The following PLCB1 variants were observed in gnomAD, a reference collection of about 807,000 sequenced individuals.
PLCB1 encodes the protein phospholipase C beta 1.
Under a neutral mutation model 161.8 loss-of-function variants are expected in PLCB1, and 46 were observed. That is an observed-to-expected ratio of 0.28 (90% confidence interval 0.22 to 0.36). The LOEUF is 0.36. PLCB1 is among the 10% of genes least tolerant of loss of function. The pLI is 1.00. For missense variants in PLCB1, 1,016 were observed against 1,472.5 expected, an observed-to-expected ratio of 0.69 and a Z score of 5.07; for synonymous variants, 517 against 503.7, an observed-to-expected ratio of 1.03 and a Z score of -0.35.
At chr20:8,247,998 T>G (rs767404305) in intron 2 of PLCB1, among the ~76,000 whole-genome samples, 127 of 151,958 alleles carry the variant, frequency 8.4e-4, no homozygotes, top group Non-Finnish European at 9.4e-4. Context: ...GACCAGCTGA[T>G]AAACTAGTCC....
chr20:8,719,865 A>T (rs1373544299), intron 14 of PLCB1, among the ~76,000 whole-genome samples: 1 of 152,194 alleles, frequency 6.6e-6, no homozygotes, highest in Non-Finnish European at 1.5e-5. Context: ...GGTTAAAAAA[A>T]AGTAGCCTGA....
Position 8,246,021 on chromosome 20 carries a change from G to A in PLCB1, c.177+95650G>A, listed in dbSNP as rs558372662. Among the ~76,000 whole-genome samples, 14 of 152,004 alleles carry A rather than the reference G, an allele frequency of 9.2e-5. No individual in the cohort carries two copies. In the South Asian group the frequency reaches 1.9e-3, roughly 20 times the overall value. On this transcript the variant is annotated intron_variant, in intron 2 of 31. Transcript: ENST00000338037. ...CCATGCAATATTACTTCTCAAATAT[G>A]ATGTTCACCGTACCTTTTATTTTGT...
intron 2 of PLCB1, among the ~76,000 whole-genome samples, chr20:8,283,571 C>A (rs200784970): frequency 4.5e-5 from 6 of 132,102 alleles, no homozygotes; most frequent in African/African-American, 1.8e-4. Context: ...ATAAATCAAT[C>A]AATAAATAAA....
intron 2 of PLCB1, among the ~76,000 whole-genome samples, chr20:8,199,914 C>A (rs942868668): frequency 6.6e-6 from 1 of 152,060 alleles, no homozygotes; most frequent in Non-Finnish European, 1.5e-5. Flanking sequence ...GTCGATTCTA[C>A]AGTGAGCATA....
At position 8,658,535 on chromosome 20, in the gene PLCB1, T is replaced by C. The variant is rs1439321294; in HGVS notation, c.696-3T>C. On this transcript the variant is annotated splice_polypyrimidine_tract_variant and splice_region_variant and intron_variant, in intron 8 of 31. Coordinates refer to ENST00000338037, the MANE Select transcript of PLCB1 (RefSeq NM_015192.4). ...TTATTGCTTGGTTTTTCATTGTTTTTAGTGGTGCAAAAAGCAAACCATATC... is the reference window on the plus strand; with the variant it reads ...TTATTGCTTGGTTTTTCATTGTTTTCAGTGGTGCAAAAAGCAAACCATATC... 6.3e-7 allele frequency: 1 copy of C among 1,589,768 alleles called. No homozygotes were observed. Among genetic ancestry groups the C allele is most frequent in the African/African-American group, 1.4e-5 (1 of 73,134 alleles).
chr20:8,509,032 G>A (rs901804894), intron 3 of PLCB1, among the ~76,000 whole-genome samples: 8 of 152,046 alleles, frequency 5.3e-5, no homozygotes, highest in Admixed American at 6.6e-5. Context: ...AGACCACTCC[G>A]TCCATTCTAC....
intron 3 of PLCB1, among the ~76,000 whole-genome samples, chr20:8,585,361 G>A (rs1396816363): frequency 6.6e-6 from 1 of 152,152 alleles, no homozygotes; most frequent in Non-Finnish European, 1.5e-5. Context: ...CCAGTTCACT[G>A]ACCCTTAATT....
chr20:8,161,456 G>C (rs1021620729), intron 2 of PLCB1, among the ~76,000 whole-genome samples: 2 of 152,298 alleles, frequency 1.3e-5, no homozygotes, highest in Admixed American at 6.5e-5. Flanking sequence ...TGTACAGTTG[G>C]TTAATGGCAG....
chr20:8,293,106 A>G (rs1470831013), intron 2 of PLCB1, among the ~76,000 whole-genome samples: 1 of 152,060 alleles, frequency 6.6e-6, no homozygotes, highest in African/African-American at 2.4e-5. Flanking sequence ...TGATCTCTTA[A>G]AAAAAAGTCT....
chr20:8,580,742 A>G (rs537870068), intron 3 of PLCB1, among the ~76,000 whole-genome samples: 7 of 152,230 alleles, frequency 4.6e-5, no homozygotes, highest in Non-Finnish European at 7.3e-5. Context: ...CACAAATTAT[A>G]TGAAAACAAA....
intron 3 of PLCB1, among the ~76,000 whole-genome samples, chr20:8,449,657 A>G (rs1980987690): frequency 6.6e-6 from 1 of 152,198 alleles, no homozygotes; most frequent in Admixed American, 6.5e-5. Flanking sequence ...TGTCCCTAAC[A>G]GGGGTGAGCC....
chr20:8,407,334 C>T (rs1247425955), intron 3 of PLCB1, among the ~76,000 whole-genome samples: 1 of 152,190 alleles, frequency 6.6e-6, no homozygotes, highest in South Asian at 2.1e-4. Context: ...AAAAGAGTAA[C>T]TTTCTCAGTG....
intron 3 of PLCB1, among the ~76,000 whole-genome samples, chr20:8,508,578 A>C (rs188065906): frequency 6.6e-6 from 1 of 152,296 alleles, no homozygotes. Context: ...GAGGCTAGAG[A>C]TACAACCTTT....
intron 31 of PLCB1, among the ~76,000 whole-genome samples, chr20:8,867,119 T>TG (rs1229438286): frequency 1.3e-5 from 2 of 152,196 alleles, no homozygotes; most frequent in Admixed American, 6.5e-5. Context: ...GCCTGTCCCT[T>TG]GTTTTGTAAA....
chr20:8,654,309 C>T (rs1478125034), intron 7 of PLCB1, among the ~76,000 whole-genome samples: 3 of 152,048 alleles, frequency 2.0e-5, no homozygotes, highest in Non-Finnish European at 4.4e-5. Flanking sequence ...CTTAAGTCAT[C>T]CTTCAAAAAG....
chr20:8,246,022 A>G (rs376886192), intron 2 of PLCB1, among the ~76,000 whole-genome samples: 37 of 152,030 alleles, frequency 2.4e-4, no homozygotes, highest in Non-Finnish European at 3.2e-4. Context: ...CTCAAATATG[A>G]TGTTCACCGT....
intron 3 of PLCB1, among the ~76,000 whole-genome samples, chr20:8,579,993 C>T (rs1229830512): frequency 1.3e-5 from 2 of 152,128 alleles, no homozygotes; most frequent in Non-Finnish European, 2.9e-5. Flanking sequence ...TGTAGGAGCT[C>T]TCTCTATTGT....
intron 3 of PLCB1, among the ~76,000 whole-genome samples, chr20:8,435,888 C>A (rs769051997): frequency 1.3e-5 from 2 of 152,072 alleles, no homozygotes; most frequent in Non-Finnish European, 2.9e-5. Context: ...TTGACTGACC[C>A]CAGATGAAAA....
At chr20:8,672,399 CTTT>C (rs11289990) in intron 9 of PLCB1, among the ~76,000 whole-genome samples, 12 of 138,556 alleles carry the variant, frequency 8.7e-5, no homozygotes, top group Admixed American at 1.4e-4. Flanking sequence ...CTGTTATACT[CTTT>C]TTTTTTTTTT....
Sources: gnomAD v4.1 joint callset for allele counts (sites outside exome capture counted in the v4.1 genomes callset) on GRCh38, gnomAD v4.1.1 for gene constraint, MANE v1.5 for transcripts, NCBI Gene and HGNC (gene_info 2026-07-23, HGNC 2026-07-21) for gene names.